The following ELP4 variants were observed in gnomAD, a reference collection of about 807,000 sequenced individuals.
The protein encoded by ELP4 is elongator complex protein 4.
In ELP4, 51 loss-of-function variants were observed where a neutral mutation model predicts 48.9. The ratio of observed to expected loss-of-function variants is 1.04; its 90% CI spans 0.83 to 1.32. The LOEUF (loss-of-function observed/expected upper bound fraction) is 1.32, where lower values mean the gene tolerates loss of function less well. Among genes scored for constraint, ELP4 ranks in the 40% most tolerant of loss-of-function variants. The probability of loss-of-function intolerance (pLI) is 0.00; values close to 1 mark genes in which losing one functional copy is unlikely to be tolerated. For missense variants in ELP4, 519 were observed against 514.6 expected, an observed-to-expected ratio of 1.01 and a Z score of -0.08; for synonymous variants, 210 against 189.2, an observed-to-expected ratio of 1.11 and a Z score of -0.90.
intron 3 of ELP4, among the ~76,000 whole-genome samples, chr11:31,592,919 T>G (rs1957608328): frequency 1.3e-5 from 2 of 152,200 alleles, no homozygotes; most frequent in Admixed American, 1.3e-4. Flanking sequence ...TGGCCTATTT[T>G]CCACAATAAG....
intron 9 of ELP4, among the ~76,000 whole-genome samples, chr11:31,680,939 A>T (rs1946039183): frequency 1.3e-5 from 2 of 152,216 alleles, no homozygotes; most frequent in Non-Finnish European, 2.9e-5. Context: ...TTCCCAAATT[A>T]AATATTTTTG....
chr11:31,712,704 A>G (rs1333975625), intron 9 of ELP4, among the ~76,000 whole-genome samples: 1 of 152,200 alleles, frequency 6.6e-6, no homozygotes, highest in Non-Finnish European at 1.5e-5. Flanking sequence ...ATAAAATAGC[A>G]CTGGATGCTG....
chr11:31,665,655 CTTTTTT>C (rs71060496), intron 9 of ELP4, among the ~76,000 whole-genome samples: 1 of 79,660 alleles, frequency 1.3e-5, no homozygotes, highest in Non-Finnish European at 2.5e-5. Flanking sequence ...GTCTCTCTTC[CTTTTTT>C]TTTTTTTTTT....
Position 31,662,904 on chromosome 11 carries a change from A to G in ELP4, c.1143+12683A>G, listed in dbSNP as rs531122221. 13 of 213,526 alleles carry G rather than the reference A, an allele frequency of 6.1e-5. No individual in the cohort carries two copies. The East Asian group carries it at 7.3e-4, about 12-fold the overall frequency. The allele number at this position is 213,526 out of a possible 1,614,324, so 13.2% of individuals were successfully genotyped here. ...AAAGCCAGCTTCTCATTGTGTGCAC[A>G]TATTTTCTCATCCAGCCTCTCTGTA... is the stretch of plus-strand genomic sequence containing the variant. On this transcript the variant is annotated intron_variant, in intron 9 of 9. Coordinates refer to ENST00000640961, the MANE Select transcript of ELP4 (RefSeq NM_019040.5).
chr11:31,759,639 A>C (rs974077870), intron 9 of ELP4, among the ~76,000 whole-genome samples: 3 of 152,062 alleles, frequency 2.0e-5, no homozygotes, highest in African/African-American at 7.2e-5. Context: ...TCACACACTA[A>C]TAGCATTGTT....
intron 9 of ELP4, among the ~76,000 whole-genome samples, chr11:31,684,856 T>A (rs377369228): frequency 6.6e-6 from 1 of 152,194 alleles, no homozygotes; most frequent in East Asian, 1.9e-4. Context: ...AAAGAAACAC[T>A]GAACACTGTC....
Position 31,659,053 on chromosome 11 carries a change from TTCC to T in ELP4, c.1143+8835_1143+8837del, listed in dbSNP as rs1280446465. ...GCATTTTAGTAATACGAAGAAATTG[TTCC>T]TCATTAAGAAAATATAATGATAAAT... On this transcript the variant is annotated intron_variant, in intron 9 of 9. Coordinates refer to ENST00000640961, the MANE Select transcript of ELP4 (RefSeq NM_019040.5). Among the ~76,000 whole-genome samples the T allele has an allele frequency of 6.6e-5, 10 of 152,220 alleles. No individual in the cohort carries two copies. The East Asian group carries it at 1.9e-3, about 29-fold the overall frequency.
At chr11:31,678,239 G>C (rs759954332) in intron 9 of ELP4, among the ~76,000 whole-genome samples, 3 of 152,006 alleles carry the variant, frequency 2.0e-5, no homozygotes, top group Non-Finnish European at 4.4e-5. Context: ...TTGAGGCCAG[G>C]AGTTTGAGAC....
At chr11:31,734,648 C>A (rs1203853509) in intron 9 of ELP4, among the ~76,000 whole-genome samples, 3 of 152,060 alleles carry the variant, frequency 2.0e-5, no homozygotes, top group African/African-American at 7.2e-5. Context: ...TAGGAAAAAA[C>A]TTCACCAAGA....
intron 5 of ELP4, among the ~76,000 whole-genome samples, chr11:31,620,506 A>T (rs926044476): frequency 6.6e-6 from 1 of 151,970 alleles, no homozygotes; most frequent in East Asian, 1.9e-4. Flanking sequence ...TGATAATTAC[A>T]TGGTCTAAAA....
intron 7 of ELP4, among the ~76,000 whole-genome samples, chr11:31,640,385 C>T (rs962974853): frequency 6.6e-6 from 1 of 151,696 alleles, no homozygotes; most frequent in Non-Finnish European, 1.5e-5. Flanking sequence ...GAAAGATTAC[C>T]GTCATCAAAT....
At chr11:31,734,621 A>G (rs1242202552) in intron 9 of ELP4, among the ~76,000 whole-genome samples, 2 of 152,234 alleles carry the variant, frequency 1.3e-5, no homozygotes, top group East Asian at 1.9e-4. Context: ...ACAAGGCATA[A>G]ACATGAATAA....
chr11:31,676,582 T>A (rs1175530138), intron 9 of ELP4, among the ~76,000 whole-genome samples: 1 of 152,334 alleles, frequency 6.6e-6, no homozygotes, highest in East Asian at 1.9e-4. Flanking sequence ...TCCTGTCTTC[T>A]TCCCTATTTA....
intron 9 of ELP4, among the ~76,000 whole-genome samples, chr11:31,694,467 A>G: frequency 6.6e-6 from 1 of 152,028 alleles, no homozygotes; most frequent in Non-Finnish European, 1.5e-5. Context: ...AAGATCAGAT[A>G]GTTGTTGATG....
intron 9 of ELP4, among the ~76,000 whole-genome samples, chr11:31,703,769 T>C (rs1417523008): frequency 1.3e-5 from 2 of 152,194 alleles, no homozygotes; most frequent in Non-Finnish European, 2.9e-5. Context: ...GTTTCCTGAT[T>C]GAAAAATAAG....
chr11:31,528,725 G>T (rs543264620), intron 2 of ELP4, among the ~76,000 whole-genome samples: 1 of 152,186 alleles, frequency 6.6e-6, no homozygotes, highest in African/African-American at 2.4e-5. Context: ...ATTAAGTGAA[G>T]TTAGAAAAGG....
At chr11:31,521,286 G>GT (rs534201806) in intron 2 of ELP4, among the ~76,000 whole-genome samples, 274 of 143,256 alleles carry the variant, frequency 1.9e-3, no homozygotes, top group Non-Finnish European at 2.3e-3. Flanking sequence ...AGTGCATTAT[G>GT]TTTTTTTTTT....
At chr11:31,635,686 A>C (rs1944960082) in intron 7 of ELP4, among the ~76,000 whole-genome samples, 1 of 152,062 alleles carries the variant, frequency 6.6e-6, no homozygotes, top group African/African-American at 2.4e-5. Flanking sequence ...GATTAGTAAT[A>C]ACATGTACTT....
chr11:31,603,725 A>T, intron 4 of ELP4, 43 bp from the exon 5 acceptor site: 1 of 1,575,894 alleles, frequency 6.3e-7, no homozygotes, highest in Non-Finnish European at 8.6e-7. Context: ...ATTATAGCTT[A>T]AAAATAATTG....
Sources: gnomAD v4.1 joint callset for allele counts (sites outside exome capture counted in the v4.1 genomes callset) on GRCh38, gnomAD v4.1.1 for gene constraint, MANE v1.5 for transcripts, NCBI Gene and HGNC (gene_info 2026-07-23, HGNC 2026-07-21) for gene names.